Variants in SGSM1 observed in about 807,000 individuals in gnomAD.
The protein encoded by SGSM1 is small G protein signaling modulator 1, also known as RUN and TBC1 domain containing 2.
SGSM1 carries 73 observed loss-of-function variants against 133.8 expected under a neutral mutation model. The ratio of observed to expected loss-of-function variants is 0.55; its 90% CI spans 0.45 to 0.66. SGSM1 has a LOEUF of 0.66. Among genes scored for constraint, SGSM1 ranks in the 30% least tolerant of loss-of-function variants. SGSM1 has a pLI of 0.00. For missense variants in SGSM1, 1,213 were observed against 1,448.1 expected, an observed-to-expected ratio of 0.84 and a Z score of 2.64; for synonymous variants, 563 against 573.0, an observed-to-expected ratio of 0.98 and a Z score of 0.25.
chr22:24,861,753 G>T (rs564343269), intron 9 of SGSM1, among the ~76,000 whole-genome samples: 18 of 151,610 alleles, frequency 1.2e-4, no homozygotes, highest in African/African-American at 4.4e-4. Context: ...TCATCGTGTT[G>T]GCCAGGCTGG....
At chr22:24,904,652 G>A (rs1445650935) in intron 20 of SGSM1, among the ~76,000 whole-genome samples, 1 of 152,058 alleles carries the variant, frequency 6.6e-6, no homozygotes, top group Non-Finnish European at 1.5e-5. Context: ...GCTGTTATTA[G>A]TAAGGGACAG....
At chr22:24,816,704 G>A (rs1050389070) in intron 2 of SGSM1, among the ~76,000 whole-genome samples, 1 of 152,128 alleles carries the variant, frequency 6.6e-6, no homozygotes, top group African/African-American at 2.4e-5. Context: ...TTAAGTGTTT[G>A]GGAAGTTCAG....
rs568018127 is a variant in SGSM1 at position 24,907,584 on chromosome 22, G to T, written c.2818+2397G>T. ...CAAAAATTAACAAGCTGACCCTAAAGTTGATATGGAAATTCAAGGGATTTA... is the reference window on the plus strand; with the variant it reads ...CAAAAATTAACAAGCTGACCCTAAATTTGATATGGAAATTCAAGGGATTTA... On this transcript the variant is annotated intron_variant, in intron 21 of 24. Coordinates refer to ENST00000400358, the MANE Select transcript of SGSM1 (RefSeq NM_001098497.3). Among the ~76,000 whole-genome samples the T allele has an allele frequency of 5.9e-5, 9 of 151,924 alleles. No homozygotes were observed. In the South Asian group the frequency reaches 1.5e-3, roughly 25 times the overall value.
rs974179086 is a variant in SGSM1, at chr22:24,926,473, T to C, written c.*2199T>C. 2 of 152,252 alleles carry C rather than the reference T, an allele frequency of 1.3e-5. No individual in the cohort carries two copies. Among genetic ancestry groups the C allele is most frequent in the Non-Finnish European group, 2.9e-5 (2 of 68,040 alleles). 9.4% of individuals were successfully genotyped at this position (152,252 alleles called of 1,614,324 possible). A position where few individuals can be genotyped will look rare whatever the true frequency, so the allele number is the denominator to read the frequency against. ...AAGGCCCCTCCGGAGAAAACTATTT[T>C]GCCGTTCAGCTGTTCTTTACAGAGG... On this transcript the variant is annotated 3_prime_UTR_variant, in exon 25 of 25. Coordinates refer to ENST00000400358, the MANE Select transcript of SGSM1 (RefSeq NM_001098497.3).
chr22:24,823,521 A>T (rs1341142770), intron 2 of SGSM1, among the ~76,000 whole-genome samples: 7 of 152,154 alleles, frequency 4.6e-5, no homozygotes, highest in Admixed American at 2.6e-4. Context: ...GAATGACGGG[A>T]ACCTGGGAGG....
At chr22:24,840,043 C>T (rs147671420) in intron 2 of SGSM1, among the ~76,000 whole-genome samples, 2 of 150,068 alleles carry the variant, frequency 1.3e-5, no homozygotes, top group East Asian at 2.0e-4. Context: ...CCCAGGTTCA[C>T]GTCATTCTCC....
intron 14 of SGSM1, among the ~76,000 whole-genome samples, chr22:24,883,785 C>T (rs935241924): frequency 3.3e-5 from 5 of 152,052 alleles, no homozygotes; most frequent in African/African-American, 4.8e-5. Context: ...GGTGAAACCT[C>T]GTCTCTACAA....
intron 12 of SGSM1, among the ~76,000 whole-genome samples, chr22:24,870,570 A>G (rs1334609648): frequency 6.6e-6 from 1 of 152,204 alleles, no homozygotes; most frequent in African/African-American, 2.4e-5. Context: ...CAGTGAGGAC[A>G]CTGGCTGTGC....
chr22:24,901,474 G>A (rs1212147594), intron 19 of SGSM1, among the ~76,000 whole-genome samples: 2 of 151,996 alleles, frequency 1.3e-5, no homozygotes, highest in East Asian at 3.9e-4. Context: ...TTATTTTCTT[G>A]CCACATCATT....
chr22:24,868,784 C>A lies in SGSM1; in HGVS notation c.1220C>A (p.Ser407Ter), dbSNP rs1196895204. The A allele has an allele frequency of 6.2e-7, 1 of 1,614,000 alleles. No individual in the cohort carries two copies. The highest frequency in any genetic ancestry group is 8.5e-7 in the Non-Finnish European group (1 of 1,179,886). Reference sequence around the variant, plus strand: ...CAGGGTTCTGCCGAGTCCACATCTTCAGACAAAGATGATGATGAGGCCACG... The same window carrying A: ...CAGGGTTCTGCCGAGTCCACATCTTAAGACAAAGATGATGATGAGGCCACG... ...SPQGSAESTS[S>*]DKDDDEATDY... The change falls in exon 12 of 25, where the codon TCA becomes TAA. Residue 407 changes from serine to a stop codon, truncating the protein, a stop_gained. Coordinates refer to ENST00000400358, the MANE Select transcript of SGSM1 (RefSeq NM_001098497.3). LOFTEE classifies it high-confidence loss of function.
rs1934119083 is a variant in SGSM1 at position 24,924,361 on chromosome 22, G to A, written c.*87G>A. 1.7e-6 allele frequency: 2 copies of A among 1,151,404 alleles called. No individual in the cohort carries two copies. Among genetic ancestry groups the A allele is most frequent in the East Asian group, 2.5e-5 (1 of 40,770 alleles). 71.3% of individuals were successfully genotyped at this position (1,151,404 alleles called of 1,614,324 possible). A position where few individuals can be genotyped will look rare whatever the true frequency, so the allele number is the denominator to read the frequency against. On this transcript the variant is annotated 3_prime_UTR_variant, in exon 25 of 25. Transcript: ENST00000400358. The stretch of plus-strand genomic sequence containing the variant: ...TCCTCCTGGCTGGATGGGCACCCCG[G>A]GAGCGGGGTCCTGGTGTCTGTTCAC...
chr22:24,882,998 C>A (rs990381300), intron 14 of SGSM1, among the ~76,000 whole-genome samples: 7 of 151,628 alleles, frequency 4.6e-5, no homozygotes, highest in Non-Finnish European at 1.0e-4. Context: ...CCTGGGTTCA[C>A]GCCATTCTCC....
intron 14 of SGSM1, among the ~76,000 whole-genome samples, chr22:24,883,817 G>A (rs769904249): frequency 3.9e-5 from 6 of 152,180 alleles, no homozygotes; most frequent in Non-Finnish European, 7.3e-5. Flanking sequence ...TTAGCCAGAC[G>A]TGCTGGCGCG....
chr22:24,874,656 C>T (rs910362168), intron 12 of SGSM1: 1 of 1,469,418 alleles, frequency 6.8e-7, no homozygotes, highest in East Asian at 2.5e-5. Context: ...AGTTCTGGTC[C>T]CAAGGGAGAT....
intron 2 of SGSM1, among the ~76,000 whole-genome samples, chr22:24,823,318 T>G (rs1302965475): frequency 6.6e-6 from 1 of 152,184 alleles, no homozygotes; most frequent in Non-Finnish European, 1.5e-5. Flanking sequence ...AAATGTATTG[T>G]TTTGCCAGGC....
intron 20 of SGSM1, among the ~76,000 whole-genome samples, chr22:24,904,577 C>CAA (rs36019944): frequency 0.016 from 1,866 of 115,184 alleles, 84 homozygotes; most frequent in African/African-American, 0.051. Context: ...GACTCCGTCT[C>CAA]AAAAAAAAAA....
chr22:24,903,724 G>A (rs576634242), intron 20 of SGSM1, among the ~76,000 whole-genome samples: 146 of 152,204 alleles, frequency 9.6e-4, no homozygotes, highest in African/African-American at 3.4e-3. Context: ...GGGCACGGCG[G>A]CTCATGGGAG....
At chr22:24,909,189 G>A (rs558368968) in intron 21 of SGSM1, among the ~76,000 whole-genome samples, 3 of 152,194 alleles carry the variant, frequency 2.0e-5, no homozygotes, top group East Asian at 1.9e-4. Context: ...CCATCCCCCC[G>A]ACTCCACTCC....
In SGSM1 at chr22:24,869,500, A is replaced by G. The variant is rs80141415; in HGVS notation, c.1291+645A>G. On this transcript the variant is annotated intron_variant, in intron 12 of 24. Transcript: ENST00000400358. ...TATGTCATTGCACTACAGCCTGGGC[A>G]ACAAAGTGAAGGCCTGTCTCAAAAT... is the stretch of plus-strand genomic sequence containing the variant. Among the ~76,000 whole-genome samples, 178 of 152,356 alleles carry G rather than the reference A, an allele frequency of 1.2e-3. 1 individual carries two copies. The East Asian group carries it at 0.023, about 19-fold the overall frequency.
Sources: allele counts gnomAD v4.1 joint callset (sites outside exome capture counted in the v4.1 genomes callset), GRCh38; gene constraint gnomAD v4.1.1; transcripts MANE v1.5; gene names NCBI Gene and HGNC (gene_info 2026-07-23, HGNC 2026-07-21).